Variants in NAV2 observed in about 807,000 individuals in gnomAD.
NAV2 encodes neuron navigator 2.
In NAV2, 54 loss-of-function variants were observed where a neutral mutation model predicts 223.2. The observed-to-expected ratio is 0.24, with a 90% CI of 0.19 to 0.30. The LOEUF (loss-of-function observed/expected upper bound fraction) is 0.30. Ranked by LOEUF, NAV2 falls within the 10% of genes least tolerant of loss-of-function variation. The pLI, the probability that NAV2 is intolerant of heterozygous loss-of-function variation, is 1.00. For missense variants in NAV2, 2,806 were observed against 3,147.5 expected (o/e 0.89, Z 2.60); for synonymous variants, 1,279 against 1,239.3 (o/e 1.03, Z -0.67).
intron 17 of NAV2, 48 bp downstream of exon 17, chr11:20,051,381 AG>A (rs776156418): frequency 6.3e-7 from 1 of 1,583,850 alleles, no homozygotes; most frequent in East Asian, 2.2e-5. Flanking sequence ...GTGGCTTTGG[AG>A]CTTGGCTGTG....
At chr11:19,371,678 A>T (rs987480239) in intron 1 of NAV2, among the ~76,000 whole-genome samples, 1 of 152,028 alleles carries the variant, frequency 6.6e-6, no homozygotes, top group Non-Finnish European at 1.5e-5. Context: ...AAGCCATCCA[A>T]CTCCAAAATT....
intron 1 of NAV2, among the ~76,000 whole-genome samples, chr11:19,519,354 A>G (rs2043569082): frequency 6.6e-6 from 1 of 152,186 alleles, no homozygotes; most frequent in African/African-American, 2.4e-5. Flanking sequence ...ATTGTGTGCT[A>G]GGGGCTGTCC....
At chr11:19,387,753 A>C (rs1849097997) in intron 1 of NAV2, among the ~76,000 whole-genome samples, 1 of 152,184 alleles carries the variant, frequency 6.6e-6, no homozygotes, top group African/African-American at 2.4e-5. Context: ...GTTTTCTTTA[A>C]GTCTTCCTCT....
intron 1 of NAV2, among the ~76,000 whole-genome samples, chr11:19,435,715 T>C (rs117332807): frequency 4.1e-4 from 63 of 152,332 alleles, no homozygotes; most frequent in Non-Finnish European, 7.2e-4. Flanking sequence ...TTCTCTTTCT[T>C]CCATAGTCTC....
chr11:19,712,895 G>A lies in NAV2; in HGVS notation c.-801G>A, dbSNP rs1203396562. On this transcript the variant is annotated 5_prime_UTR_variant, in exon 1 of 38. Transcript: ENST00000349880. ...AGCCTTCCCGGGAAGCGCGGCGGCC[G>A]CTCCCGAGCGCAGCCCTGCCCGGCC... 6.6e-6 allele frequency among the ~76,000 whole-genome samples: 1 copy of A among 151,102 alleles called. No homozygotes were observed. The highest frequency in any genetic ancestry group is 1.5e-5 in the Non-Finnish European group (1 of 67,732).
intron 37 of NAV2, among the ~76,000 whole-genome samples, chr11:20,115,975 A>C (rs2063058469): frequency 6.6e-6 from 1 of 152,202 alleles, no homozygotes; most frequent in Admixed American, 6.5e-5. Context: ...GTAGTACTCT[A>C]CCAATATAAG....
chr11:19,940,222 A>G (rs562964762), intron 8 of NAV2, among the ~76,000 whole-genome samples: 19 of 152,112 alleles, frequency 1.2e-4, no homozygotes, highest in African/African-American at 2.6e-4. Context: ...ATTGGGGGGG[A>G]AAATTGTAAC....
chr11:19,901,551 C>T (rs756008655), intron 6 of NAV2, among the ~76,000 whole-genome samples: 8 of 152,118 alleles, frequency 5.3e-5, no homozygotes, highest in Non-Finnish European at 7.4e-5. Flanking sequence ...GAGAACACTC[C>T]CTTTTAATTG....
chr11:19,550,681 G>A (rs1053443083), intron 1 of NAV2, among the ~76,000 whole-genome samples: 5 of 152,184 alleles, frequency 3.3e-5, no homozygotes, highest in African/African-American at 1.2e-4. Flanking sequence ...TTCCTACGTG[G>A]GCCCTGTGAT....
At chr11:19,419,360 A>G (rs1161502578) in intron 1 of NAV2, among the ~76,000 whole-genome samples, 1 of 152,192 alleles carries the variant, frequency 6.6e-6, no homozygotes, top group Non-Finnish European at 1.5e-5. Context: ...CTTAGGAAAC[A>G]TGTCTGATAT....
At chr11:20,090,830 A>G (rs752831725) in intron 26 of NAV2, 35 bp from the exon 27 acceptor site, 2 of 1,607,282 alleles carry the variant, frequency 1.2e-6, no homozygotes, top group Non-Finnish European at 8.5e-7. Flanking sequence ...GACTAAAAGG[A>G]GCTGCTTTCA....
At chr11:19,470,711 G>GGGTTAGA (rs1271573678) in intron 1 of NAV2, among the ~76,000 whole-genome samples, 2 of 151,994 alleles carry the variant, frequency 1.3e-5, no homozygotes, top group Non-Finnish European at 2.9e-5. Flanking sequence ...CATTGCAGCA[G>GGGTTAGA]GGTTAGAGGA....
At chr11:19,605,535 TAAA>T (rs542244329) in intron 1 of NAV2, among the ~76,000 whole-genome samples, 1 of 135,998 alleles carries the variant, frequency 7.4e-6, no homozygotes, top group African/African-American at 2.7e-5. Flanking sequence ...AAATATTATT[TAAA>T]AAAAAAAAAA....
chr11:19,974,484 A>G (rs2049530216), intron 10 of NAV2, among the ~76,000 whole-genome samples: 1 of 152,226 alleles, frequency 6.6e-6, no homozygotes, highest in East Asian at 1.9e-4. Flanking sequence ...GAACCACACT[A>G]ATACAAAATA....
Position 19,397,860 on chromosome 11 carries a change from C to G in NAV2, c.75+46833C>G, listed in dbSNP as rs191994392. On this transcript the variant is annotated intron_variant, in intron 1 of 37. Transcript: ENST00000360655. ...ATGCTAAGCATAAGCCCATACAGCT[C>G]TGAGACTGGCTGGGCTGCAGTAGGG... Among the ~76,000 whole-genome samples the G allele has an allele frequency of 2.9e-3, 439 of 152,142 alleles. 10 individuals are homozygous for G. Among genetic ancestry groups the G allele is most frequent in the Admixed American group, 0.026 (397 of 15,272 alleles).
chr11:19,859,379 A>T (rs2061562894), intron 3 of NAV2, among the ~76,000 whole-genome samples: 1 of 150,302 alleles, frequency 6.7e-6, no homozygotes, highest in South Asian at 2.2e-4. Context: ...CTGTTTAACA[A>T]AGCACATCTT....
At chr11:19,661,720 G>A (rs1462174636) in intron 1 of NAV2, among the ~76,000 whole-genome samples, 1 of 152,178 alleles carries the variant, frequency 6.6e-6, no homozygotes, top group African/African-American at 2.4e-5. Flanking sequence ...GTGTGAAAAT[G>A]TTGAGTAGAG....
intron 10 of NAV2, among the ~76,000 whole-genome samples, chr11:19,956,769 G>T (rs2153393302): frequency 6.6e-6 from 1 of 152,036 alleles, no homozygotes; most frequent in Admixed American, 6.6e-5. Context: ...TATTATGTAG[G>T]CATGACTAGT....
chr11:19,515,017 T>C (rs1019165669), intron 1 of NAV2, among the ~76,000 whole-genome samples: 4 of 152,214 alleles, frequency 2.6e-5, no homozygotes, highest in Non-Finnish European at 4.4e-5. Context: ...AAAACAGTGA[T>C]AGTTAAGAGC....
Sources: allele counts gnomAD v4.1 joint callset (sites outside exome capture counted in the v4.1 genomes callset), GRCh38; gene constraint gnomAD v4.1.1; transcripts MANE v1.5; gene names NCBI Gene and HGNC (gene_info 2026-07-23, HGNC 2026-07-21).